CELF4: variants seen among roughly 807,000 people sequenced by gnomAD.
CELF4 encodes CUGBP Elav-like family member 4.
A neutral mutation model predicts 59.9 loss-of-function variants in CELF4; 18 were observed. The observed-to-expected ratio is 0.30, with a 90% CI of 0.21 to 0.45. The LOEUF (loss-of-function observed/expected upper bound fraction) is 0.45. Ranked by LOEUF, CELF4 falls within the 20% of genes least tolerant of loss-of-function variation. The pLI, the probability that CELF4 is intolerant of heterozygous loss-of-function variation, is 1.00. For missense variants in CELF4, 456 were observed against 689.0 expected (o/e 0.66, Z 3.79); for synonymous variants, 261 against 267.1 (o/e 0.98, Z 0.22).
intron 2 of CELF4, among the ~76,000 whole-genome samples, chr18:37,339,867 G>T (rs927568148): frequency 6.6e-6 from 1 of 152,100 alleles, no homozygotes; most frequent in Non-Finnish European, 1.5e-5. Context: ...AGGGGGCAAA[G>T]GCAAGGGGAG....
intron 1 of CELF4, among the ~76,000 whole-genome samples, chr18:37,500,665 T>C (rs1569569674): frequency 6.6e-6 from 1 of 151,662 alleles, no homozygotes; most frequent in African/African-American, 2.4e-5. Flanking sequence ...TCCCGAGTAG[T>C]TGGGACTACA....
At chr18:37,421,555 C>T (rs1472047137) in intron 2 of CELF4, among the ~76,000 whole-genome samples, 1 of 151,942 alleles carries the variant, frequency 6.6e-6, no homozygotes, top group Non-Finnish European at 1.5e-5. Flanking sequence ...TTGTGTCATG[C>T]GTGTGAGTCA....
At chr18:37,383,255 G>A (rs995828698) in intron 2 of CELF4, among the ~76,000 whole-genome samples, 1 of 152,130 alleles carries the variant, frequency 6.6e-6, no homozygotes, top group Non-Finnish European at 1.5e-5. Context: ...GCAGAGCAGC[G>A]GCCACTGGGT....
intron 3 of CELF4, among the ~76,000 whole-genome samples, chr18:37,317,613 C>T (rs2096912658): frequency 6.6e-6 from 1 of 152,138 alleles, no homozygotes; most frequent in South Asian, 2.1e-4. Context: ...GTGCTTGCTC[C>T]AGCCAAGCAC....
chr18:37,302,524 T>C (rs1432725829), intron 3 of CELF4, among the ~76,000 whole-genome samples: 2 of 151,940 alleles, frequency 1.3e-5, no homozygotes, highest in African/African-American at 4.8e-5. Context: ...AGGACACCTA[T>C]GAGGGAGGAT....
chr18:37,477,443 C>T, intron 2 of CELF4, among the ~76,000 whole-genome samples: 1 of 152,118 alleles, frequency 6.6e-6, no homozygotes, highest in East Asian at 1.9e-4. Flanking sequence ...AGGATGGTGT[C>T]TGCCCTGGCT....
intron 1 of CELF4, among the ~76,000 whole-genome samples, chr18:37,499,959 C>T (rs1304268456): frequency 6.6e-6 from 1 of 152,110 alleles, no homozygotes; most frequent in Non-Finnish European, 1.5e-5. Context: ...TCAATCATCC[C>T]GAGAACACAC....
intron 2 of CELF4, among the ~76,000 whole-genome samples, chr18:37,400,597 A>G (rs2099314721): frequency 6.6e-6 from 1 of 152,240 alleles, no homozygotes; most frequent in African/African-American, 2.4e-5. Context: ...ATATTGGAGC[A>G]CTTAAAATAC....
At chr18:37,510,551 G>A (rs1169853344) in intron 1 of CELF4, among the ~76,000 whole-genome samples, 1 of 152,194 alleles carries the variant, frequency 6.6e-6, no homozygotes, top group Non-Finnish European at 1.5e-5. Context: ...TCACCAGGAT[G>A]GTCTGAAGCC....
chr18:37,263,232 G>A (rs1292216059), intron 10 of CELF4, among the ~76,000 whole-genome samples: 2 of 152,134 alleles, frequency 1.3e-5, no homozygotes, highest in African/African-American at 2.4e-5. Context: ...AGGTGCCAGA[G>A]TCCCACCCAA....
At chr18:37,524,978 C>T (rs947490256) in intron 1 of CELF4, among the ~76,000 whole-genome samples, 3 of 152,222 alleles carry the variant, frequency 2.0e-5, no homozygotes, top group Admixed American at 1.3e-4. Context: ...GTCTCGCCCT[C>T]GGCCCTCCCT....
Position 37,565,498 on chromosome 18 carries a change from C to A in CELF4, c.144G>T (p.Met48Ile). Residue 48 changes from methionine to isoleucine, a missense_variant, in exon 1 of 13, where the codon ATG becomes ATT. Physicochemically the swap from Met to Ile is conservative, Grantham distance 10. Coordinates refer to ENST00000420428, the MANE Select transcript of CELF4 (RefSeq NM_020180.4). ...HSPGNPSTIP[M>I]KDHDAIKLFI... ...ACAGCTTGATGGCATCGTGGTCCTT[C>A]ATGGGAATGGTCGACGGGTTCCCCG... 6.2e-7 allele frequency: 1 copy of A among 1,614,166 alleles called. No homozygotes were observed. The highest frequency in any genetic ancestry group is 8.5e-7 in the Non-Finnish European group (1 of 1,180,046).
At chr18:37,531,747 A>G (rs983005342) in intron 1 of CELF4, among the ~76,000 whole-genome samples, 3 of 152,118 alleles carry the variant, frequency 2.0e-5, no homozygotes, top group African/African-American at 7.2e-5. Context: ...GGGCCGTTCC[A>G]TCATGGTTTT....
intron 1 of CELF4, among the ~76,000 whole-genome samples, chr18:37,515,159 A>T (rs1286154439): frequency 1.3e-5 from 2 of 152,234 alleles, no homozygotes; most frequent in Non-Finnish European, 2.9e-5. Flanking sequence ...GTCATCAAGC[A>T]GGCTTGCTGT....
In CELF4 at chr18:37,389,719, G is replaced by A. The variant is rs76759635; in HGVS notation, c.370-67838C>T. 2.1e-3 allele frequency among the ~76,000 whole-genome samples: 322 copies of A among 152,228 alleles called. 3 individuals carry two copies. The highest frequency in any genetic ancestry group is 7.2e-3 in the African/African-American group (301 of 41,534). ...CTGCAGCCTCACTGTCACACTGAGC[G>A]TCACACGTACAGGAGTGTGAGCGTG... On this transcript the variant is annotated intron_variant, in intron 2 of 12. Coordinates refer to ENST00000420428, the MANE Select transcript of CELF4 (RefSeq NM_020180.4).
rs182324152 is a variant in CELF4, at chr18:37,246,405, C to A, written c.*45-1208G>T. On this transcript the variant is annotated intron_variant, in intron 12 of 12. Transcript: ENST00000420428. This position sits in a 1 kb window ranked among gnomAD's most constrained non-coding sequence, Gnocchi z 5.3. ...TTTCTTCCAAACCAACCAAAAAAAA[C>A]CCTCCCGAGCCCCCAGTCCCCAGCC... Among the ~76,000 whole-genome samples the A allele has an allele frequency of 6.6e-5, 10 of 152,128 alleles. No individual in the cohort carries two copies. The highest frequency in any genetic ancestry group is 1.9e-4 in the African/African-American group (8 of 41,492).
chr18:37,481,362 T>C (rs1012504456), intron 2 of CELF4, among the ~76,000 whole-genome samples: 1 of 152,182 alleles, frequency 6.6e-6, no homozygotes, highest in African/African-American at 2.4e-5. Context: ...TGAGAAGCCC[T>C]TTCTGCTACC....
rs1278042921 is a variant in CELF4, at chr18:37,485,501, TGCGCCACGGCGG to T, written c.369+12_369+23del. On this transcript the variant is annotated intron_variant, in intron 2 of 12. Coordinates refer to ENST00000420428, the MANE Select transcript of CELF4 (RefSeq NM_020180.4). ...GCCCCCTGTCGGCGCGTCGGCCGCT[TGCGCCACGGCGG>T]GCGCCACTTACCCCGGGCAGAGTCT... is the stretch of plus-strand genomic sequence containing the variant. 6.8e-6 allele frequency: 9 copies of T among 1,325,312 alleles called. No homozygotes were observed. The highest frequency in any genetic ancestry group is 1.5e-5 in the African/African-American group (1 of 66,446). The allele number at this position is 1,325,312 out of a possible 1,614,324, so 82.1% of individuals were successfully genotyped here. A position where few individuals can be genotyped will look rare whatever the true frequency, so the allele number is the denominator to read the frequency against.
rs117464265 is a variant in CELF4 at position 37,504,374 on chromosome 18, G to A, written c.287-18767C>T. 1.1e-3 allele frequency among the ~76,000 whole-genome samples: 162 copies of A among 149,640 alleles called. 3 individuals carry two copies. The East Asian group carries it at 0.028, about 26-fold the overall frequency. On this transcript the variant is annotated intron_variant, in intron 1 of 12. Transcript: ENST00000420428. ...GCATGGTGGTACGTGCCTGTAATCC[G>A]AGCTACTCTGGAGAGGTTGCAGTGA... is the stretch of plus-strand genomic sequence containing the variant.
Sources: gnomAD v4.1 joint callset for allele counts (sites outside exome capture counted in the v4.1 genomes callset) on GRCh38, gnomAD v4.1.1 for gene constraint, Gnocchi (gnomAD v3.1) non-coding constraint, MANE v1.5 for transcripts, NCBI Gene and HGNC (gene_info 2026-07-23, HGNC 2026-07-21) for gene names.